The following KLF16 variants were observed in gnomAD, a reference collection of about 807,000 sequenced individuals.
KLF16 encodes Krueppel-like factor 16.
In KLF16, 6 loss-of-function variants were observed where a neutral mutation model predicts 6.1. The ratio of observed to expected loss-of-function variants is 0.98; its 90% CI spans 0.54 to 1.93. KLF16 has a LOEUF of 1.93. Among genes scored for constraint, KLF16 ranks in the 30% most tolerant of loss-of-function variants. The pLI is 0.01. For synonymous variants in KLF16, 211 were observed against 176.5 expected, an observed-to-expected ratio of 1.20 and a Z score of -1.55; for missense variants, 355 against 363.8, an observed-to-expected ratio of 0.98 and a Z score of 0.20.
upstream of KLF16, among the ~76,000 whole-genome samples, chr19:1,864,052 G>A (rs1339239116): frequency 7.7e-6 from 1 of 129,352 alleles, no homozygotes; most frequent in Non-Finnish European, 1.7e-5. Flanking sequence ...AGCGCGCCCC[G>A]CCCCATCCCG....
Position 1,853,022 on chromosome 19 carries a change from G to GA in KLF16, c.*1436dup, listed in dbSNP as rs2145360610. 6.6e-6 allele frequency: 1 copy of GA among 152,318 alleles called. No homozygotes were observed. Among genetic ancestry groups the GA allele is most frequent in the South Asian group, 2.1e-4 (1 of 4,832 alleles). 9.4% of individuals were successfully genotyped at this position (152,318 alleles called of 1,614,324 possible). Reference sequence around the variant, plus strand: ...AACCTCCTGCAGCCAACAGTGGGGGGATCCACCTTTCTGGGTCTGACATGG... The same window carrying GA: ...AACCTCCTGCAGCCAACAGTGGGGGGAATCCACCTTTCTGGGTCTGACATGG... On this transcript the variant is annotated 3_prime_UTR_variant, in exon 2 of 2. Coordinates refer to ENST00000250916, the MANE Select transcript of KLF16 (RefSeq NM_031918.4).
At chr19:1,863,582 G>C (rs1344616489), upstream of KLF16, 9 of 562,248 alleles carry the variant, frequency 1.6e-5, no homozygotes, top group African/African-American at 9.8e-5. Flanking sequence ...GCTCGAGTGC[G>C]GGAGGCGGAG....
At chr19:1,858,282 G>A (rs58093682) in intron 1 of KLF16, among the ~76,000 whole-genome samples, 11,002 of 152,182 alleles carry the variant, frequency 0.072, 840 homozygotes, top group African/African-American at 0.19. Flanking sequence ...CCCAGACTGC[G>A]CTTGGCTTTC....
Position 1,858,778 on chromosome 19 carries a change from G to A in KLF16, c.458-4018C>T, listed in dbSNP as rs58998253. On this transcript the variant is annotated intron_variant, in intron 1 of 1. Coordinates refer to ENST00000250916, the MANE Select transcript of KLF16 (RefSeq NM_031918.4). Reference sequence around the variant, plus strand: ...ACCAGACTCTGGGTACCTGGGGGTCGGCAGGGGACAACCCCCTCAAGGACC... The same window carrying A: ...ACCAGACTCTGGGTACCTGGGGGTCAGCAGGGGACAACCCCCTCAAGGACC... Among the ~76,000 whole-genome samples the A allele has an allele frequency of 9.8e-4, 149 of 152,168 alleles. 2 individuals are homozygous for A. Among genetic ancestry groups the A allele is most frequent in the African/African-American group, 3.4e-3 (141 of 41,500 alleles).
At chr19:1,868,135 C>T (rs1261790849), upstream of KLF16, among the ~76,000 whole-genome samples, 1 of 152,064 alleles carries the variant, frequency 6.6e-6, no homozygotes, top group East Asian at 1.9e-4. Context: ...CAATGATGGG[C>T]CATTTGTCCT....
the KLF16 span, among the ~76,000 whole-genome samples, chr19:1,874,179 AAAG>A: frequency 6.6e-6 from 1 of 152,198 alleles, no homozygotes; most frequent in South Asian, 2.1e-4. Flanking sequence ...CAATGTTTTC[AAAG>A]AAGATCACGG....
chr19:1,855,559 C>T (rs1047009736), intron 1 of KLF16, among the ~76,000 whole-genome samples: 1 of 152,224 alleles, frequency 6.6e-6, no homozygotes, highest in South Asian at 2.1e-4. Context: ...CCGCCAAGGC[C>T]GGGCCTCGCC....
chr19:1,860,606 G>C (rs1193436809), intron 1 of KLF16, among the ~76,000 whole-genome samples: 1 of 152,152 alleles, frequency 6.6e-6, no homozygotes, highest in African/African-American at 2.4e-5. Flanking sequence ...GGTGACTCGG[G>C]TTCGTCTGCG....
chr19:1,854,121 C>G lies in KLF16; in HGVS notation c.*338G>C, dbSNP rs73916812. On this transcript the variant is annotated 3_prime_UTR_variant, in exon 2 of 2. Coordinates refer to ENST00000250916, the MANE Select transcript of KLF16 (RefSeq NM_031918.4). Reference sequence around the variant, plus strand: ...CGGCTCCCAGAAGTCCACTCCACCCCCCCAAACCCCACCCCGGGAGGGGGG... The same window carrying G: ...CGGCTCCCAGAAGTCCACTCCACCCGCCCAAACCCCACCCCGGGAGGGGGG... 0.025 allele frequency: 6,834 copies of G among 274,568 alleles called. 260 individuals are homozygous for G. Among genetic ancestry groups the G allele is most frequent in the African/African-American group, 0.096 (4,326 of 45,110 alleles). The allele number at this position is 274,568 out of a possible 1,614,324, so 17.0% of individuals were successfully genotyped here.
At chr19:1,867,032 G>A (rs1056907378), upstream of KLF16, among the ~76,000 whole-genome samples, 1 of 152,224 alleles carries the variant, frequency 6.6e-6, no homozygotes, top group Non-Finnish European at 1.5e-5. Flanking sequence ...GACCTCCCAA[G>A]CCTGAGGGCT....
rs568285172 is a variant in KLF16 at position 1,857,274 on chromosome 19, C to A, written c.458-2514G>T. 3.9e-5 allele frequency among the ~76,000 whole-genome samples: 6 copies of A among 152,338 alleles called. No individual in the cohort carries two copies. Among genetic ancestry groups the A allele is most frequent in the African/African-American group, 1.4e-4 (6 of 41,566 alleles). On this transcript the variant is annotated intron_variant, in intron 1 of 1. Coordinates refer to ENST00000250916, the MANE Select transcript of KLF16 (RefSeq NM_031918.4). This position sits in a 1 kb window ranked among gnomAD's most constrained non-coding sequence, Gnocchi z 4.7. ...CCCTGCCTCGCACACAATCCACTCG[C>A]AGGGAGGAGGGTGGGGTGAACTTGT...
At chr19:1,875,409 G>A in the KLF16 span, 13 of 152,274 alleles carry the variant, frequency 8.5e-5, no homozygotes, top group African/African-American at 3.1e-4. Flanking sequence ...ACCTTTTGCA[G>A]AAACGCACGT....
the KLF16 span, among the ~76,000 whole-genome samples, chr19:1,870,769 G>C: frequency 6.6e-6 from 1 of 152,244 alleles, no homozygotes; most frequent in East Asian, 1.9e-4. Flanking sequence ...GCAGAGGCGG[G>C]CAGGTCACCT....
intron 1 of KLF16, chr19:1,862,069 C>G (rs1432373939): frequency 6.6e-6 from 1 of 152,292 alleles, no homozygotes; most frequent in African/African-American, 2.4e-5. Flanking sequence ...ATGCCAAGCC[C>G]AAGGGCAGCC....
the KLF16 span, among the ~76,000 whole-genome samples, chr19:1,870,114 T>C: frequency 6.6e-6 from 1 of 150,884 alleles, no homozygotes. Flanking sequence ...GTATTTTTAG[T>C]AGAGACGGGG....
chr19:1,858,643 T>C (rs1201055343), intron 1 of KLF16, among the ~76,000 whole-genome samples: 1 of 152,094 alleles, frequency 6.6e-6, no homozygotes, highest in Admixed American at 6.5e-5. Flanking sequence ...TAATGTTTGC[T>C]CAGCATCTTG....
chr19:1,864,991 G>C (rs1026647001), upstream of KLF16, among the ~76,000 whole-genome samples: 22 of 152,204 alleles, frequency 1.4e-4, no homozygotes, highest in African/African-American at 5.1e-4. Context: ...ACCCGATTCG[G>C]GGCTTCTCTA....
chr19:1,866,163 C>A (rs917812734), upstream of KLF16, among the ~76,000 whole-genome samples: 3 of 151,852 alleles, frequency 2.0e-5, no homozygotes, highest in African/African-American at 2.4e-5. Flanking sequence ...AAAAAATTAG[C>A]CGGGCCAGGT....
upstream of KLF16, among the ~76,000 whole-genome samples, chr19:1,866,729 C>T (rs8100432): frequency 0.73 from 107,560 of 147,268 alleles, 39,361 homozygotes; most frequent in Middle Eastern, 0.8. Flanking sequence ...TGAGCTGTGA[C>T]TGCACCACTG....
Sources: gnomAD v4.1 joint callset for allele counts (sites outside exome capture counted in the v4.1 genomes callset) on GRCh38, gnomAD v4.1.1 for gene constraint, Gnocchi (gnomAD v3.1) non-coding constraint, MANE v1.5 for transcripts, NCBI Gene and HGNC (gene_info 2026-07-23, HGNC 2026-07-21) for gene names.